Variants in NALF1 observed in about 807,000 individuals in gnomAD.
NALF1 encodes the protein NALCN channel auxiliary factor 1.
A neutral mutation model predicts 48.4 loss-of-function variants in NALF1; 3 were observed. The observed-to-expected ratio is 0.06, with a 90% CI of 0.03 to 0.16. NALF1 has a LOEUF of 0.16. NALF1 is among the 10% of genes least tolerant of loss of function. NALF1 has a pLI of 1.00. For missense variants in NALF1, 526 were observed against 571.5 expected, an observed-to-expected ratio of 0.92 and a Z score of 0.81; for synonymous variants, 262 against 245.7, an observed-to-expected ratio of 1.07 and a Z score of -0.62.
At chr13:107,364,507 G>A (rs895991353) in intron 1 of NALF1, among the ~76,000 whole-genome samples, 1 of 152,172 alleles carries the variant, frequency 6.6e-6, no homozygotes, top group Non-Finnish European at 1.5e-5. Flanking sequence ...GGTGTTCAAG[G>A]CCATCCAGAC....
intron 1 of NALF1, among the ~76,000 whole-genome samples, chr13:107,267,067 T>G (rs1267376996): frequency 6.6e-6 from 1 of 152,238 alleles, no homozygotes; most frequent in Admixed American, 6.5e-5. Flanking sequence ...AGTGTTCCAC[T>G]GTAGGGCCAG....
At chr13:107,351,268 AT>A (rs1344505272) in intron 1 of NALF1, among the ~76,000 whole-genome samples, 1 of 152,168 alleles carries the variant, frequency 6.6e-6, no homozygotes, top group Admixed American at 6.5e-5. Context: ...ATAAAAATAA[AT>A]TGTGAAGGAG....
intron 1 of NALF1, among the ~76,000 whole-genome samples, chr13:107,710,413 C>T (rs79203238): frequency 0.092 from 14,000 of 152,002 alleles, 1,473 homozygotes; most frequent in East Asian, 0.41. Context: ...TTAGGGCTTG[C>T]GTTAGTTCGT....
intron 1 of NALF1, among the ~76,000 whole-genome samples, chr13:107,498,583 G>A (rs184070130): frequency 6.6e-6 from 1 of 152,234 alleles, no homozygotes; most frequent in East Asian, 1.9e-4. Context: ...GAAAATGGTG[G>A]AAAGAAGACA....
chr13:107,397,253 C>T (rs1405507475), intron 1 of NALF1, among the ~76,000 whole-genome samples: 3 of 152,142 alleles, frequency 2.0e-5, no homozygotes, highest in Non-Finnish European at 4.4e-5. Flanking sequence ...CTTCTTCCTG[C>T]CCATTATATT....
At chr13:107,751,616 C>T (rs1876939400) in intron 1 of NALF1, among the ~76,000 whole-genome samples, 1 of 152,068 alleles carries the variant, frequency 6.6e-6, no homozygotes, top group South Asian at 2.1e-4. Context: ...ATATATATTA[C>T]CTGCTGAATG....
At chr13:107,606,280 A>ATG (rs144536715) in intron 1 of NALF1, among the ~76,000 whole-genome samples, 143,127 of 151,278 alleles carry the variant, frequency 0.95, 67,866 homozygotes, top group East Asian at 0.99. Flanking sequence ...ATATATATAT[A>ATG]TGTGTGTGTT....
intron 1 of NALF1, among the ~76,000 whole-genome samples, chr13:107,277,078 T>C (rs2138869185): frequency 6.6e-6 from 1 of 152,306 alleles, no homozygotes; most frequent in Middle Eastern, 3.4e-3. Flanking sequence ...GGAAATTATT[T>C]GAGCTTTCTG....
At chr13:107,219,188 G>T (rs1190970692) in intron 1 of NALF1, among the ~76,000 whole-genome samples, 1 of 152,184 alleles carries the variant, frequency 6.6e-6, no homozygotes, top group African/African-American at 2.4e-5. Flanking sequence ...GCCTTATCTA[G>T]AGTCGGAATG....
chr13:107,194,040 CTATCTATCTATCTATCTATA>C (rs563136173), intron 2 of NALF1, among the ~76,000 whole-genome samples: 9,573 of 146,390 alleles, frequency 0.065, 317 homozygotes, highest in African/African-American at 0.082. Context: ...ATCTATCTAT[CTATCTATCTATCTATCTATA>C]TATCAATCTA....
At chr13:107,391,969 G>C (rs1883634823) in intron 1 of NALF1, among the ~76,000 whole-genome samples, 1 of 152,184 alleles carries the variant, frequency 6.6e-6, no homozygotes, top group African/African-American at 2.4e-5. Context: ...ATATCTTACA[G>C]TTTGAGTCTT....
At chr13:107,406,800 G>A (rs1390144121) in intron 1 of NALF1, among the ~76,000 whole-genome samples, 2 of 151,766 alleles carry the variant, frequency 1.3e-5, no homozygotes, top group Admixed American at 6.6e-5. Flanking sequence ...AAAAGACCCA[G>A]AATAAACAAA....
chr13:107,665,532 T>A (rs1880835699), intron 1 of NALF1, among the ~76,000 whole-genome samples: 1 of 152,178 alleles, frequency 6.6e-6, no homozygotes, highest in African/African-American at 2.4e-5. Flanking sequence ...ATATAGTATT[T>A]CATGGCATGG....
At chr13:107,451,188 A>G (rs1393050331) in intron 1 of NALF1, among the ~76,000 whole-genome samples, 5 of 152,092 alleles carry the variant, frequency 3.3e-5, no homozygotes, top group East Asian at 1.9e-4. Context: ...CGCGGCCACA[A>G]GCGGAAATGT....
intron 1 of NALF1, among the ~76,000 whole-genome samples, chr13:107,322,067 G>C (rs944560386): frequency 5.9e-5 from 9 of 152,084 alleles, no homozygotes; most frequent in African/African-American, 2.2e-4. Context: ...TATTTGCGAA[G>C]ATTTTACTTA....
chr13:107,771,307 T>C (rs944967790), intron 1 of NALF1, among the ~76,000 whole-genome samples: 1 of 151,824 alleles, frequency 6.6e-6, no homozygotes, highest in Non-Finnish European at 1.5e-5. Context: ...AAAAATGTTT[T>C]ACAATTGAAA....
At chr13:107,656,630 C>T (rs761109405) in intron 1 of NALF1, among the ~76,000 whole-genome samples, 2 of 152,104 alleles carry the variant, frequency 1.3e-5, no homozygotes, top group African/African-American at 2.4e-5. Context: ...AGTAGATCTA[C>T]CTTTTGATCC....
At chr13:107,858,550 T>C (rs1013846037) in intron 1 of NALF1, among the ~76,000 whole-genome samples, 3 of 152,164 alleles carry the variant, frequency 2.0e-5, no homozygotes, top group Non-Finnish European at 2.9e-5. Context: ...TAGCCATTTG[T>C]GGTGAGGCAC....
rs183281602 is a variant in NALF1 at position 107,488,233 on chromosome 13, C to G, written c.916-277478G>C. ...CAAAAAAAAAAACACCTCCTGAATTCATTGATCTTTTGAATGTTTTTTTCC... is the reference window on the plus strand; with the variant it reads ...CAAAAAAAAAAACACCTCCTGAATTGATTGATCTTTTGAATGTTTTTTTCC... On this transcript the variant is annotated intron_variant, in intron 1 of 2. Transcript: ENST00000375915. 3.4e-3 allele frequency among the ~76,000 whole-genome samples: 503 copies of G among 148,374 alleles called. 2 individuals carry two copies. The highest frequency in any genetic ancestry group is 5.3e-3 in the Non-Finnish European group (358 of 67,260).
Sources: gnomAD v4.1 joint callset for allele counts (sites outside exome capture counted in the v4.1 genomes callset) on GRCh38, gnomAD v4.1.1 for gene constraint, MANE v1.5 for transcripts, NCBI Gene and HGNC (gene_info 2026-07-23, HGNC 2026-07-21) for gene names.